The following SLC13A4 variants were observed in gnomAD, a reference collection of about 807,000 sequenced individuals.
The protein encoded by SLC13A4 is solute carrier family 13 member 4.
Under a neutral mutation model 72.7 loss-of-function variants are expected in SLC13A4, and 28 were observed. The observed-to-expected ratio is 0.39, with a 90% CI of 0.29 to 0.53. SLC13A4 has a LOEUF of 0.53. Ranked by LOEUF, SLC13A4 falls within the 20% of genes least tolerant of loss-of-function variation. The probability of loss-of-function intolerance (pLI) is 0.78; values close to 1 mark genes in which losing one functional copy is unlikely to be tolerated. For synonymous variants in SLC13A4, 312 were observed against 325.5 expected, an observed-to-expected ratio of 0.96 and a Z score of 0.45; for missense variants, 653 against 788.0, an observed-to-expected ratio of 0.83 and a Z score of 2.05.
intron 3 of SLC13A4, 181 bp downstream of exon 3, chr7:135,707,933 T>C: frequency 1.5e-6 from 1 of 648,712 alleles, no homozygotes. Flanking sequence ...CAGGTTTAAA[T>C]CTCTACTCCA....
At chr7:135,695,597 G>A in intron 8 of SLC13A4, 110 bp from the exon 9 acceptor site, 1 of 1,239,116 alleles carries the variant, frequency 8.1e-7, no homozygotes, top group Non-Finnish European at 1.1e-6. Context: ...TAAGTGGGGA[G>A]ATAATGATAA....
At chr7:135,721,627 G>A in intron 1 of SLC13A4, 104 bp from the exon 2 acceptor site, 1 of 1,453,800 alleles carries the variant, frequency 6.9e-7, no homozygotes, top group East Asian at 2.4e-5. Flanking sequence ...ACTGTAACGC[G>A]GGTACTAGGA....
intron 15 of SLC13A4, chr7:135,683,518 G>A (rs1375349872): frequency 1.0e-6 from 1 of 984,898 alleles, no homozygotes; most frequent in Non-Finnish European, 1.2e-6. Flanking sequence ...TATAGCAGCA[G>A]GTGTATAGGT....
Position 135,706,138 on chromosome 7 carries a change from G to A in SLC13A4, c.528C>T (p.Ala176=), listed in dbSNP as rs980131552. The A allele has an allele frequency of 3.7e-6, 6 of 1,601,518 alleles. No homozygotes were observed. The highest frequency in any genetic ancestry group is 3.4e-5 in the Admixed American group (2 of 59,678). Residue 176 remains alanine (A), a synonymous_variant, in exon 4 of 16, where the codon GCC becomes GCT. Transcript: ENST00000682651. ...LVAGNSNTEE[A]EPISLDVKNS... ...TCCAGCAAACTGTACTGATGGGTTC[G>A]GCCTCTTCGGTGTTGGAGTTGCCCG...
intron 15 of SLC13A4, among the ~76,000 whole-genome samples, chr7:135,682,633 G>A (rs1177111611): frequency 6.6e-6 from 1 of 152,228 alleles, no homozygotes; most frequent in Non-Finnish European, 1.5e-5. Context: ...GTTCTAGCAG[G>A]GCTAAATTAA....
chr7:135,695,619 A>G (rs530235901), intron 8 of SLC13A4, 132 bp from the exon 9 acceptor site: 14 of 1,034,094 alleles, frequency 1.4e-5, no homozygotes, highest in Middle Eastern at 2.5e-4. Context: ...GATATGGTAA[A>G]ACGTTGCCTA....
At position 135,709,944 on chromosome 7, in the gene SLC13A4, G is replaced by T. The variant is rs1796260375; in HGVS notation, c.229-1694C>A. 2.0e-5 allele frequency among the ~76,000 whole-genome samples: 3 copies of T among 152,102 alleles called. No homozygotes were observed. In the South Asian group the frequency reaches 6.2e-4, roughly 31 times the overall value. On this transcript the variant is annotated intron_variant, in intron 2 of 15. Transcript: ENST00000682651. ...TCTTGTCTCTCAACTAAATTTTTCG[G>T]CTGTGAATGGTTCCCTTCTATATAT...
intron 12 of SLC13A4, 83 bp downstream of exon 12, chr7:135,691,465 C>T (rs1176123721): frequency 1.3e-6 from 2 of 1,505,108 alleles, no homozygotes; most frequent in East Asian, 2.3e-5. Flanking sequence ...ATCTGAAGGA[C>T]CTTGGTAAAT....
intron 2 of SLC13A4, among the ~76,000 whole-genome samples, chr7:135,719,213 T>G (rs1415656515): frequency 6.6e-6 from 1 of 152,206 alleles, no homozygotes; most frequent in African/African-American, 2.4e-5. Flanking sequence ...TCCTTACGGG[T>G]TTGGCCTTCC....
chr7:135,686,986 G>A (rs1211379363), intron 13 of SLC13A4, among the ~76,000 whole-genome samples: 1 of 152,164 alleles, frequency 6.6e-6, no homozygotes, highest in African/African-American at 2.4e-5. Flanking sequence ...GAACCCGGGA[G>A]GCAGAGGTTG....
At chr7:135,705,749 T>C (rs1796146374) in intron 4 of SLC13A4, 99 bp from the exon 5 acceptor site, 1 of 981,572 alleles carries the variant, frequency 1.0e-6, no homozygotes, top group East Asian at 2.4e-5. Flanking sequence ...AGGTGGGCCA[T>C]ATGGAGTGGG....
At chr7:135,701,359 A>C (rs899794740) in intron 7 of SLC13A4, among the ~76,000 whole-genome samples, 1 of 152,166 alleles carries the variant, frequency 6.6e-6, no homozygotes, top group Non-Finnish European at 1.5e-5. Flanking sequence ...GGTGCCTTAC[A>C]ATCTTAGGAT....
chr7:135,688,702 T>C (rs1159140078), intron 13 of SLC13A4, among the ~76,000 whole-genome samples: 1 of 152,206 alleles, frequency 6.6e-6, no homozygotes, highest in Non-Finnish European at 1.5e-5. Flanking sequence ...GAAAACATTT[T>C]ACAATGGATT....
intron 2 of SLC13A4, among the ~76,000 whole-genome samples, chr7:135,715,304 T>G (rs994087307): frequency 3.6e-5 from 5 of 140,190 alleles, no homozygotes; most frequent in Non-Finnish European, 7.5e-5. Flanking sequence ...TGTACGTATA[T>G]CTAAGCATGT....
Position 135,719,632 on chromosome 7 carries a change from C to T in SLC13A4, c.228+1763G>A, listed in dbSNP as rs576509096. The stretch of plus-strand genomic sequence containing the variant: ...AAAGAAGAGGGGGCAATTAGAACAA[C>T]TGCCTGGTGATTCTGGTCACAGATT... On this transcript the variant is annotated intron_variant, in intron 2 of 15. Transcript: ENST00000682651. 5.3e-5 allele frequency among the ~76,000 whole-genome samples: 8 copies of T among 152,226 alleles called. No individual in the cohort carries two copies. In the East Asian group the frequency reaches 1.5e-3, roughly 29 times the overall value.
intron 7 of SLC13A4, among the ~76,000 whole-genome samples, chr7:135,700,839 G>A (rs925971180): frequency 8.5e-5 from 13 of 152,120 alleles, no homozygotes; most frequent in East Asian, 3.9e-4. Flanking sequence ...TAGTAGAGAC[G>A]AGATCTGGCT....
At chr7:135,692,133 C>T (rs1795801683) in intron 11 of SLC13A4, 190 bp downstream of exon 11, 1 of 600,366 alleles carries the variant, frequency 1.7e-6, no homozygotes, top group East Asian at 2.9e-5. Context: ...GCACTGGATT[C>T]CAACCCCAGA....
intron 2 of SLC13A4, among the ~76,000 whole-genome samples, chr7:135,716,918 G>T (rs1381259464): frequency 6.6e-6 from 1 of 152,198 alleles, no homozygotes; most frequent in Non-Finnish European, 1.5e-5. Context: ...GGTGACTCAT[G>T]CTGAGCCTGT....
intron 2 of SLC13A4, among the ~76,000 whole-genome samples, chr7:135,717,917 C>T (rs1418933760): frequency 8.0e-6 from 1 of 124,328 alleles, no homozygotes; most frequent in Non-Finnish European, 1.8e-5. Flanking sequence ...TCATCTCCTG[C>T]CCTGGGACTG....
Sources: gnomAD v4.1 joint callset for allele counts (sites outside exome capture counted in the v4.1 genomes callset) on GRCh38, gnomAD v4.1.1 for gene constraint, MANE v1.5 for transcripts, NCBI Gene and HGNC (gene_info 2026-07-23, HGNC 2026-07-21) for gene names.